The following LRBA variants were observed in gnomAD, a reference collection of about 807,000 sequenced individuals.
LRBA encodes the protein LPS responsive beige-like anchor protein.
A neutral mutation model predicts 330.0 loss-of-function variants in LRBA; 176 were observed. The ratio of observed to expected loss-of-function variants is 0.53; its 90% CI spans 0.47 to 0.60. LRBA has a LOEUF of 0.60. Among genes scored for constraint, LRBA ranks in the 20% least tolerant of loss-of-function variants. LRBA has a pLI of 0.00. For missense variants in LRBA, 3,259 were observed against 3,444.8 expected (o/e 0.95, Z 1.35); for synonymous variants, 1,230 against 1,193.0 (o/e 1.03, Z -0.64).
chr4:150,485,261 T>C (rs1160100340), intron 42 of LRBA, among the ~76,000 whole-genome samples: 1 of 151,966 alleles, frequency 6.6e-6, no homozygotes, highest in South Asian at 2.1e-4. Flanking sequence ...CACTTTTGTC[T>C]TATGAATTTT....
At chr4:150,903,078 T>C (rs770719393) in intron 13 of LRBA, among the ~76,000 whole-genome samples, 2 of 151,990 alleles carry the variant, frequency 1.3e-5, no homozygotes, top group Non-Finnish European at 2.9e-5. Flanking sequence ...ATTATAAGAG[T>C]CATATGTTAG....
At chr4:150,648,277 T>G (rs921395233) in intron 37 of LRBA, among the ~76,000 whole-genome samples, 5 of 149,124 alleles carry the variant, frequency 3.4e-5, no homozygotes, top group African/African-American at 1.2e-4. Context: ...AAAATTGTAA[T>G]ACAGTGGTTT....
At chr4:150,337,323 T>C (rs1734886837) in intron 48 of LRBA, among the ~76,000 whole-genome samples, 2 of 152,012 alleles carry the variant, frequency 1.3e-5, no homozygotes, top group South Asian at 4.1e-4. Context: ...GGAAAAAAAA[T>C]CATAAAAATA....
At chr4:150,272,637 A>G (rs1746265512) in intron 56 of LRBA, among the ~76,000 whole-genome samples, 1 of 151,944 alleles carries the variant, frequency 6.6e-6, no homozygotes, top group South Asian at 2.1e-4. Context: ...GATGGAGCTG[A>G]AAAACACAGC....
intron 35 of LRBA, 95 bp downstream of exon 35, chr4:150,761,688 A>G: frequency 1.5e-6 from 1 of 679,652 alleles, no homozygotes; most frequent in Non-Finnish European, 2.5e-6. Context: ...TGACTGAACA[A>G]ACAGTAAATA....
chr4:150,500,282 AT>A (rs1277624207), intron 40 of LRBA, among the ~76,000 whole-genome samples: 2 of 151,778 alleles, frequency 1.3e-5, no homozygotes, highest in Admixed American at 1.3e-4. Context: ...AAAAAAAAAA[AT>A]CCCCCCTTGG....
At chr4:150,783,848 A>T (rs1738622437) in intron 34 of LRBA, among the ~76,000 whole-genome samples, 1 of 152,240 alleles carries the variant, frequency 6.6e-6, no homozygotes, top group South Asian at 2.1e-4. Context: ...ATAAATGAAA[A>T]TAAAACAGCT....
At chr4:150,589,074 G>C (rs4431210) in intron 39 of LRBA, among the ~76,000 whole-genome samples, 109,570 of 137,414 alleles carry the variant, frequency 0.8, 44,229 homozygotes, top group Non-Finnish European at 0.9. Flanking sequence ...CACACACACA[G>C]AGAGAGAGAG....
chr4:150,987,559 A>G (rs1280845574), intron 2 of LRBA, among the ~76,000 whole-genome samples: 1 of 152,020 alleles, frequency 6.6e-6, no homozygotes, highest in Admixed American at 6.6e-5. Context: ...CACAAAAATT[A>G]GCCAGGCATG....
At position 150,902,301 on chromosome 4, in the gene LRBA, G is replaced by A. The variant is rs536952377; in HGVS notation, c.1756-2084C>T. On this transcript the variant is annotated intron_variant, in intron 13 of 56. Coordinates refer to ENST00000651943, the MANE Select transcript of LRBA (RefSeq NM_001364905.1). Reference sequence around the variant, plus strand: ...CTAGAAAAATGATGGTTGAAATAAAGGTTTCCCTAGAGTTAGAACAACAGT... The same window carrying A: ...CTAGAAAAATGATGGTTGAAATAAAAGTTTCCCTAGAGTTAGAACAACAGT... Among the ~76,000 whole-genome samples the A allele has an allele frequency of 2.6e-5, 4 of 152,166 alleles. No individual in the cohort carries two copies. In the South Asian group the frequency reaches 8.3e-4, roughly 32 times the overall value.
At chr4:150,655,308 C>A (rs1780077852) in intron 37 of LRBA, among the ~76,000 whole-genome samples, 1 of 152,116 alleles carries the variant, frequency 6.6e-6, no homozygotes, top group African/African-American at 2.4e-5. Flanking sequence ...GTGATCACTT[C>A]CAAAGCAGTG....
chr4:150,830,757 CTTT>C (rs57178610), intron 29 of LRBA, among the ~76,000 whole-genome samples: 76 of 81,976 alleles, frequency 9.3e-4, no homozygotes, highest in African/African-American at 2.5e-3. Flanking sequence ...TACAGAGTTA[CTTT>C]TTTTTTTTTT....
chr4:150,454,541 T>C (rs987701630), intron 44 of LRBA, among the ~76,000 whole-genome samples: 6 of 151,988 alleles, frequency 3.9e-5, no homozygotes, highest in Non-Finnish European at 8.8e-5. Context: ...GATCTATAAC[T>C]TTCCCAATTT....
chr4:150,469,114 C>G (rs909842702), intron 43 of LRBA, among the ~76,000 whole-genome samples: 1 of 151,980 alleles, frequency 6.6e-6, no homozygotes. Flanking sequence ...GTCCCATCTA[C>G]TTAAATAATC....
intron 42 of LRBA, among the ~76,000 whole-genome samples, chr4:150,481,613 T>G (rs563992211): frequency 2.6e-4 from 39 of 152,126 alleles, no homozygotes; most frequent in African/African-American, 8.4e-4. Context: ...TTTCTGTCAT[T>G]GTGTAGTTTT....
chr4:150,489,160 T>TAATATATAATATATCAG (rs1758360104), intron 41 of LRBA, among the ~76,000 whole-genome samples: 1 of 123,994 alleles, frequency 8.1e-6, no homozygotes, highest in Non-Finnish European at 1.6e-5. Context: ...TCAGAATATA[T>TAATATATAATATATCAG]AATATATTAT....
chr4:150,420,452 A>ACACATTATAG (rs1748582201), intron 46 of LRBA, among the ~76,000 whole-genome samples: 1 of 100,316 alleles, frequency 1.0e-5, no homozygotes, highest in African/African-American at 3.7e-5. Context: ...CATATATAAT[A>ACACATTATAG]TATAAAGTAT....
At chr4:150,270,646 G>A (rs982881756) in intron 56 of LRBA, among the ~76,000 whole-genome samples, 5 of 152,096 alleles carry the variant, frequency 3.3e-5, no homozygotes, top group South Asian at 4.1e-4. Flanking sequence ...ATTATATATC[G>A]AAAAGAGTTT....
intron 46 of LRBA, among the ~76,000 whole-genome samples, chr4:150,427,860 C>T (rs951005231): frequency 3.3e-5 from 5 of 151,736 alleles, no homozygotes; most frequent in African/African-American, 9.7e-5. Flanking sequence ...TTCTTATAAA[C>T]GGGCCTAATG....
Sources: allele counts gnomAD v4.1 joint callset (sites outside exome capture counted in the v4.1 genomes callset), GRCh38; gene constraint gnomAD v4.1.1; transcripts MANE v1.5; gene names NCBI Gene and HGNC (gene_info 2026-07-23, HGNC 2026-07-21).